The following ZFYVE9 variants were observed in gnomAD, a reference collection of about 807,000 sequenced individuals.
ZFYVE9 encodes zinc finger FYVE-type containing 9, also known as zinc finger FYVE domain-containing protein 9.
Under a neutral mutation model 126.7 loss-of-function variants are expected in ZFYVE9, and 43 were observed. The ratio of observed to expected loss-of-function variants is 0.34; its 90% CI spans 0.27 to 0.44. The LOEUF is 0.44. Ranked by LOEUF, ZFYVE9 falls within the 20% of genes least tolerant of loss-of-function variation. ZFYVE9 has a pLI of 1.00. For synonymous variants in ZFYVE9, 521 were observed against 597.4 expected, an observed-to-expected ratio of 0.87 and a Z score of 1.87; for missense variants, 1,476 against 1,697.0, an observed-to-expected ratio of 0.87 and a Z score of 2.29.
intron 1 of ZFYVE9, among the ~76,000 whole-genome samples, chr1:52,158,041 T>G (rs889810338): frequency 2.6e-5 from 4 of 152,216 alleles, no homozygotes; most frequent in Admixed American, 1.3e-4. Context: ...CATTTCAGCC[T>G]GACTTAGGTT....
intron 1 of ZFYVE9, among the ~76,000 whole-genome samples, chr1:52,154,918 T>G (rs180676192): frequency 6.6e-6 from 1 of 152,186 alleles, no homozygotes; most frequent in Non-Finnish European, 1.5e-5. Context: ...CCTTCTTAAG[T>G]TGGTCTTATA....
At chr1:52,176,636 G>A (rs1157344833) in intron 1 of ZFYVE9, among the ~76,000 whole-genome samples, 1 of 152,194 alleles carries the variant, frequency 6.6e-6, no homozygotes, top group Non-Finnish European at 1.5e-5. Context: ...GAGCTGTGGT[G>A]TGCTCCACCC....
At chr1:52,179,486 T>G (rs1443684969) in intron 1 of ZFYVE9, among the ~76,000 whole-genome samples, 1 of 151,414 alleles carries the variant, frequency 6.6e-6, no homozygotes, top group African/African-American at 2.4e-5. Context: ...ATACAAAAAT[T>G]AGTTGGGCGT....
chr1:52,200,795 A>C (rs558490184), intron 1 of ZFYVE9, among the ~76,000 whole-genome samples: 6 of 152,276 alleles, frequency 3.9e-5, no homozygotes, highest in Admixed American at 1.3e-4. Flanking sequence ...TTTTTTGTCA[A>C]AGATCAGCTG....
In ZFYVE9 at chr1:52,246,635, G is replaced by A. The variant is rs145041536; in HGVS notation, c.2178+7040G>A. On this transcript the variant is annotated intron_variant, in intron 4 of 18. Coordinates refer to ENST00000287727, the MANE Select transcript of ZFYVE9 (RefSeq NM_004799.4). ...CAACCTTGACCTTCCAAGGTCAAGCGATCCTCCCACCTCAGCCTCCTGGGT... is the reference window on the plus strand; with the variant it reads ...CAACCTTGACCTTCCAAGGTCAAGCAATCCTCCCACCTCAGCCTCCTGGGT... Among the ~76,000 whole-genome samples, 1,467 of 149,540 alleles carry A rather than the reference G, an allele frequency of 9.8e-3. 18 individuals carry two copies. The highest frequency in any genetic ancestry group is 0.052 in the South Asian group (245 of 4,720).
chr1:52,336,676 A>G (rs1284971322), intron 15 of ZFYVE9, among the ~76,000 whole-genome samples: 3 of 152,046 alleles, frequency 2.0e-5, no homozygotes, highest in African/African-American at 7.3e-5. Flanking sequence ...TCTAGGAGTT[A>G]AACAGTCATT....
At chr1:52,161,915 TAGG>T (rs1644463485) in intron 1 of ZFYVE9, among the ~76,000 whole-genome samples, 1 of 150,804 alleles carries the variant, frequency 6.6e-6, no homozygotes, top group South Asian at 2.1e-4. Flanking sequence ...TTTGATTAGC[TAGG>T]AGTTTATGTT....
intron 1 of ZFYVE9, among the ~76,000 whole-genome samples, chr1:52,164,209 T>C (rs1339021031): frequency 6.6e-6 from 1 of 151,332 alleles, no homozygotes; most frequent in Non-Finnish European, 1.5e-5. Context: ...TGAGTATATA[T>C]CTTTTTTGTT....
intron 1 of ZFYVE9, among the ~76,000 whole-genome samples, chr1:52,146,595 A>C (rs1644308376): frequency 6.6e-6 from 1 of 152,126 alleles, no homozygotes; most frequent in Non-Finnish European, 1.5e-5. Context: ...TAAATGATAT[A>C]ATGGGTAAAT....
At chr1:52,199,557 G>A (rs746171953) in intron 1 of ZFYVE9, among the ~76,000 whole-genome samples, 3 of 151,908 alleles carry the variant, frequency 2.0e-5, no homozygotes, top group Non-Finnish European at 2.9e-5. Context: ...ATGTACCACA[G>A]CTTTTATTTA....
chr1:52,263,870 A>C lies in ZFYVE9; in HGVS notation c.2276A>C (p.Asn759Thr), dbSNP rs565040324. ...VCVICHSVLMNAQAWENMMSA... is the reference protein window; with the variant it reads ...VCVICHSVLMTAQAWENMMSA... ...GTAATCTGCCATTCAGTGCTAATGA[A>C]TGGTAAGTATTAAAACAGGTTGATT... The change falls in exon 5 of 19, where the codon AAT becomes ACT. Residue 759 changes from asparagine to threonine, a missense_variant and splice_region_variant. By Grantham distance (65) the Asn-to-Thr change is moderately conservative. Coordinates refer to ENST00000287727, the MANE Select transcript of ZFYVE9 (RefSeq NM_004799.4). 2.5e-5 allele frequency: 40 copies of C among 1,576,100 alleles called. No individual in the cohort carries two copies. The highest frequency in any genetic ancestry group is 3.5e-5 in the Non-Finnish European group (40 of 1,153,318).
chr1:52,273,568 C>A (rs913403650), intron 7 of ZFYVE9, among the ~76,000 whole-genome samples: 2 of 152,060 alleles, frequency 1.3e-5, no homozygotes, highest in Admixed American at 1.3e-4. Context: ...CAGTGGCTCA[C>A]ACCTGTAATC....
chr1:52,282,043 G>C (rs1645810359), intron 10 of ZFYVE9, among the ~76,000 whole-genome samples: 1 of 152,118 alleles, frequency 6.6e-6, no homozygotes, highest in Non-Finnish European at 1.5e-5. Flanking sequence ...AGAGAATCTG[G>C]TGACCTAAAT....
intron 1 of ZFYVE9, among the ~76,000 whole-genome samples, chr1:52,210,023 T>C (rs1645013070): frequency 6.6e-6 from 1 of 152,144 alleles, no homozygotes; most frequent in East Asian, 1.9e-4. Context: ...TTATGGGATA[T>C]GGCAGTGGGA....
intron 17 of ZFYVE9, 143 bp downstream of exon 17, chr1:52,340,374 T>A: frequency 1.6e-6 from 1 of 644,758 alleles, no homozygotes; most frequent in South Asian, 2.0e-5. Flanking sequence ...ACAATTCCTA[T>A]CTGAAATCAC....
At chr1:52,241,508 AT>A (rs1645334066) in intron 4 of ZFYVE9, among the ~76,000 whole-genome samples, 1 of 152,216 alleles carries the variant, frequency 6.6e-6, no homozygotes, top group South Asian at 2.1e-4. Context: ...TAATGAAAAC[AT>A]TTTTGGTATA....
In ZFYVE9 at chr1:52,238,349, C is replaced by A. The variant is rs752839308; in HGVS notation, c.932C>A (p.Ser311Tyr). ...RTDLGSPNSFSHMSEGILMKK... is the reference protein window; with the variant it reads ...RTDLGSPNSFYHMSEGILMKK... Reference sequence around the variant, plus strand: ...GATCTAGGGAGTCCAAATTCCTTTTCCCACATGAGTGAGGGGATTTTGATG... The same window carrying A: ...GATCTAGGGAGTCCAAATTCCTTTTACCACATGAGTGAGGGGATTTTGATG... Residue 311 changes from serine (S) to tyrosine (Y), a missense_variant, in exon 4 of 19, where the codon TCC (serine) becomes TAC (tyrosine). Around this residue, in one of 2 missense-constraint regions of ZFYVE9, gnomAD observed 807 missense variants for 794.6 expected, o/e 1.02. Transcript: ENST00000287727. The A allele has an allele frequency of 3.7e-6, 6 of 1,613,590 alleles. No individual in the cohort carries two copies. The Admixed American group carries it at 8.3e-5, about 22-fold the overall frequency.
intron 1 of ZFYVE9, among the ~76,000 whole-genome samples, chr1:52,198,116 TTTTGTTTG>T (rs1303803661): frequency 2.2e-5 from 1 of 46,180 alleles, no homozygotes; most frequent in African/African-American, 7.3e-5. Context: ...TAGTGTTTTT[TTTTGTTTG>T]TTTTTTTTTT....
intron 4 of ZFYVE9, 122 bp downstream of exon 4, chr1:52,239,717 G>A (rs1645314646): frequency 8.2e-6 from 9 of 1,097,006 alleles, no homozygotes; most frequent in African/African-American, 3.2e-5. Context: ...TAGCATTTTT[G>A]AAAACCCAGT....
Sources: gnomAD v4.1 joint callset for allele counts (sites outside exome capture counted in the v4.1 genomes callset) on GRCh38, gnomAD v4.1.1 for gene constraint, gnomAD v4.1.1 regional missense constraint, MANE v1.5 for transcripts, NCBI Gene and HGNC (gene_info 2026-07-23, HGNC 2026-07-21) for gene names.